The following CDH4 variants were observed in gnomAD, a reference collection of about 807,000 sequenced individuals.
CDH4 encodes cadherin-4.
A neutral mutation model predicts 86.0 loss-of-function variants in CDH4; 33 were observed. The observed-to-expected ratio is 0.38, with a 90% CI of 0.29 to 0.51. CDH4 has a LOEUF of 0.51. Among genes scored for constraint, CDH4 ranks in the 20% least tolerant of loss-of-function variants. The pLI, the probability that CDH4 is intolerant of heterozygous loss-of-function variation, is 0.86. For synonymous variants in CDH4, 555 were observed against 549.4 expected, an observed-to-expected ratio of 1.01 and a Z score of -0.14; for missense variants, 1,114 against 1,307.4, an observed-to-expected ratio of 0.85 and a Z score of 2.28.
At chr20:61,649,811 C>A (rs972028353) in intron 2 of CDH4, among the ~76,000 whole-genome samples, 7 of 152,214 alleles carry the variant, frequency 4.6e-5, no homozygotes, top group African/African-American at 1.7e-4. Context: ...TGGCCCTGGA[C>A]TCACTCGTTA....
At position 61,681,618 on chromosome 20, in the gene CDH4, C is replaced by G. The variant is rs774798176; in HGVS notation, c.170-61945C>G. Reference sequence around the variant, plus strand: ...TAGCAGCTGGGAGGAGTCTCAGGATCCCCCTGCAGGAAGCCCGGAATCCCT... The same window carrying G: ...TAGCAGCTGGGAGGAGTCTCAGGATGCCCCTGCAGGAAGCCCGGAATCCCT... On this transcript the variant is annotated intron_variant, in intron 2 of 15. Coordinates refer to ENST00000614565, the MANE Select transcript of CDH4 (RefSeq NM_001794.5). This position sits in a 1 kb window ranked among gnomAD's most constrained non-coding sequence, Gnocchi z 4.5. 6.6e-6 allele frequency among the ~76,000 whole-genome samples: 1 copy of G among 152,170 alleles called. No homozygotes were observed. Among genetic ancestry groups the G allele is most frequent in the Non-Finnish European group, 1.5e-5 (1 of 68,022 alleles).
intron 2 of CDH4, among the ~76,000 whole-genome samples, chr20:61,651,629 G>T (rs546018602): frequency 6.6e-6 from 1 of 152,208 alleles, no homozygotes; most frequent in African/African-American, 2.4e-5. Flanking sequence ...GCCCCACCTC[G>T]CAGGTGGCCA....
At chr20:61,385,256 C>T (rs946145753) in intron 2 of CDH4, among the ~76,000 whole-genome samples, 21 of 152,102 alleles carry the variant, frequency 1.4e-4, no homozygotes, top group African/African-American at 5.1e-4. Context: ...AGGATGTGCA[C>T]TTTGAAGTGG....
intron 2 of CDH4, among the ~76,000 whole-genome samples, chr20:61,601,533 C>T (rs970145514): frequency 7.9e-5 from 12 of 152,224 alleles, no homozygotes; most frequent in South Asian, 6.2e-4. Context: ...GCCTAACCCT[C>T]GGCCCTGCTC....
chr20:61,886,856 T>G (rs1288011406), intron 7 of CDH4, among the ~76,000 whole-genome samples: 1 of 151,916 alleles, frequency 6.6e-6, no homozygotes, highest in East Asian at 1.9e-4. Flanking sequence ...CGGGAGGAGG[T>G]GCCAGACACT....
At chr20:61,637,140 T>C (rs2086955803) in intron 2 of CDH4, among the ~76,000 whole-genome samples, 1 of 152,238 alleles carries the variant, frequency 6.6e-6, no homozygotes, top group South Asian at 2.1e-4. Flanking sequence ...ACTTTTTATT[T>C]TGAAATATGT....
intron 2 of CDH4, among the ~76,000 whole-genome samples, chr20:61,354,928 C>T (rs530014499): frequency 6.6e-6 from 1 of 152,318 alleles, no homozygotes; most frequent in South Asian, 2.1e-4. Context: ...TAAGAGCATC[C>T]TCTTAATTAG....
intron 9 of CDH4, among the ~76,000 whole-genome samples, chr20:61,914,509 A>C (rs1006047816): frequency 6.6e-6 from 1 of 152,160 alleles, no homozygotes; most frequent in Non-Finnish European, 1.5e-5. Context: ...CAGCCTCGGC[A>C]GAATAACCCT....
intron 2 of CDH4, among the ~76,000 whole-genome samples, chr20:61,643,539 G>A (rs963805719): frequency 6.6e-6 from 1 of 152,234 alleles, no homozygotes; most frequent in East Asian, 1.9e-4. Flanking sequence ...CCCTGAGTGT[G>A]TCAGGGGACC....
intron 2 of CDH4, among the ~76,000 whole-genome samples, chr20:61,733,785 C>T (rs2088226871): frequency 2.0e-5 from 3 of 152,206 alleles, no homozygotes; most frequent in African/African-American, 7.2e-5. Flanking sequence ...GGGTTTGAAA[C>T]TCACCCTCTC....
intron 8 of CDH4, among the ~76,000 whole-genome samples, chr20:61,904,161 G>A (rs1740360): frequency 0.018 from 2,745 of 152,294 alleles, 71 homozygotes; most frequent in African/African-American, 0.062. Flanking sequence ...GCTGGCGGGA[G>A]CCGTCATCGG....
chr20:61,744,173 G>A (rs1187351848), intron 3 of CDH4, among the ~76,000 whole-genome samples: 1 of 152,222 alleles, frequency 6.6e-6, no homozygotes, highest in Admixed American at 6.5e-5. Flanking sequence ...GAAGCCTGGA[G>A]GGATGAGAAG....
intron 2 of CDH4, among the ~76,000 whole-genome samples, chr20:61,519,895 C>T (rs925738900): frequency 3.9e-5 from 6 of 152,194 alleles, no homozygotes; most frequent in African/African-American, 1.4e-4. Flanking sequence ...CCACCTGAGA[C>T]ATGACTGCCT....
Position 61,936,960 on chromosome 20 carries a change from G to A in CDH4, c.*17G>A, listed in dbSNP as rs199615187. 6.9e-4 allele frequency: 1,067 copies of A among 1,545,040 alleles called. 5 individuals are homozygous for A. The African/African-American group carries it at 0.012, about 17-fold the overall frequency. Reference sequence around the variant, plus strand: ...GAGGATTGACTGACCTCGCATCTTCGGACCGAAGTGAGAGCCGTGCTCGGA... The same window carrying A: ...GAGGATTGACTGACCTCGCATCTTCAGACCGAAGTGAGAGCCGTGCTCGGA... On this transcript the variant is annotated 3_prime_UTR_variant, in exon 16 of 16. Coordinates refer to ENST00000614565, the MANE Select transcript of CDH4 (RefSeq NM_001794.5).
rs183642527 is a variant in CDH4, at chr20:61,404,851, A to C, written c.169+149914A>C. Among the ~76,000 whole-genome samples the C allele has an allele frequency of 2.6e-3, 393 of 152,018 alleles. 5 individuals are homozygous for C. Among genetic ancestry groups the C allele is most frequent in the African/African-American group, 8.7e-3 (360 of 41,464 alleles). ...GAATCATAAGGTCAGGAGATCAAGA[A>C]CATCCTGGCTAACACGGTGAAACCC... is the stretch of plus-strand genomic sequence containing the variant. On this transcript the variant is annotated intron_variant, in intron 2 of 15. Coordinates refer to ENST00000614565, the MANE Select transcript of CDH4 (RefSeq NM_001794.5).
intron 2 of CDH4, among the ~76,000 whole-genome samples, chr20:61,499,048 G>C (rs536191642): frequency 6.6e-6 from 1 of 152,328 alleles, no homozygotes; most frequent in South Asian, 2.1e-4. Context: ...ATGGCCTCCA[G>C]GCTGCATGGC....
chr20:61,819,112 C>A (rs1195229677), intron 4 of CDH4, among the ~76,000 whole-genome samples: 3 of 152,218 alleles, frequency 2.0e-5, no homozygotes, highest in Admixed American at 6.5e-5. Context: ...ACTGCTGCAG[C>A]CCTTTCCCCC....
At chr20:61,474,174 T>C (rs1473027343) in intron 2 of CDH4, among the ~76,000 whole-genome samples, 3 of 143,012 alleles carry the variant, frequency 2.1e-5, no homozygotes. Flanking sequence ...TTTTTTTTTT[T>C]TTTTGAGATG....
At chr20:61,780,409 G>A (rs1164851951) in intron 4 of CDH4, among the ~76,000 whole-genome samples, 1 of 152,194 alleles carries the variant, frequency 6.6e-6, no homozygotes, top group Non-Finnish European at 1.5e-5. Flanking sequence ...CTGTGGCAGA[G>A]TTTTTGACAC....
Sources: allele counts gnomAD v4.1 joint callset (sites outside exome capture counted in the v4.1 genomes callset), GRCh38; gene constraint gnomAD v4.1.1; non-coding constraint Gnocchi (gnomAD v3.1); transcripts MANE v1.5; gene names NCBI Gene and HGNC (gene_info 2026-07-23, HGNC 2026-07-21).